TRMT44: variants seen among roughly 807,000 people sequenced by gnomAD.
TRMT44 encodes the protein probable tRNA (uracil-O(2)-)-methyltransferase.
Under a neutral mutation model 77.3 loss-of-function variants are expected in TRMT44, and 78 were observed. The ratio of observed to expected loss-of-function variants is 1.01; its 90% CI spans 0.84 to 1.22. The LOEUF is 1.22. Among genes scored for constraint, TRMT44 ranks in the 50% most tolerant of loss-of-function variants. The probability of loss-of-function intolerance (pLI) is 0.00; values close to 1 mark genes in which losing one functional copy is unlikely to be tolerated. For synonymous variants in TRMT44, 391 were observed against 383.3 expected (o/e 1.02, Z -0.23); for missense variants, 1,090 against 964.4 (o/e 1.13, Z -1.73).
Position 8,452,759 on chromosome 4 carries a change from G to T in TRMT44, c.1024-123G>T. 2 of 554,168 alleles carry T rather than the reference G, an allele frequency of 3.6e-6. No individual in the cohort carries two copies. Among genetic ancestry groups the T allele is most frequent in the East Asian group, 3.3e-5 (1 of 29,932 alleles). 34.3% of individuals were successfully genotyped at this position (554,168 alleles called of 1,614,324 possible). The stretch of plus-strand genomic sequence containing the variant: ...CAAAAAAAGAAAAAAAAAAAAGAAT[G>T]TTTAGTGTAGATGATTTCAAGTTTC... On this transcript the variant is annotated intron_variant, in intron 4 of 10. Transcript: ENST00000389737. This position sits in a 1 kb window ranked among gnomAD's most constrained non-coding sequence, Gnocchi z 5.7.
At chr4:8,495,736 G>A (rs1370728110), downstream of TRMT44, among the ~76,000 whole-genome samples, 2 of 152,178 alleles carry the variant, frequency 1.3e-5, no homozygotes, top group Admixed American at 6.5e-5. Context: ...CAGGAGAATC[G>A]GGTCTGGAGG....
chr4:8,515,344 T>C, the TRMT44 span, among the ~76,000 whole-genome samples: 2 of 152,236 alleles, frequency 1.3e-5, no homozygotes, highest in African/African-American at 2.4e-5. Context: ...GGATTCGGGC[T>C]GACCACTGGG....
chr4:8,454,203 C>T (rs1006315249), intron 5 of TRMT44, among the ~76,000 whole-genome samples: 1 of 152,144 alleles, frequency 6.6e-6, no homozygotes, highest in East Asian at 1.9e-4. Flanking sequence ...GGGCACTGGC[C>T]CTGGAAATGT....
the TRMT44 span, among the ~76,000 whole-genome samples, chr4:8,515,876 C>T: frequency 6.6e-6 from 1 of 152,212 alleles, no homozygotes; most frequent in Admixed American, 6.5e-5. Flanking sequence ...ATCTGTACTT[C>T]TTCATGTCTG....
At chr4:8,447,877 TA>T (rs1725164900) in intron 2 of TRMT44, among the ~76,000 whole-genome samples, 1 of 152,174 alleles carries the variant, frequency 6.6e-6, no homozygotes, top group Non-Finnish European at 1.5e-5. Flanking sequence ...GTGTGCCCAT[TA>T]GCCAGAAAGT....
intron 8 of TRMT44, among the ~76,000 whole-genome samples, chr4:8,467,313 G>A (rs1448032751): frequency 1.3e-5 from 2 of 152,206 alleles, no homozygotes; most frequent in South Asian, 2.1e-4. Flanking sequence ...AAACTAGGAC[G>A]GTGCGGCTGC....
chr4:8,494,855 A>G (rs1451437262), downstream of TRMT44, among the ~76,000 whole-genome samples: 2 of 152,028 alleles, frequency 1.3e-5, no homozygotes, highest in African/African-American at 2.4e-5. Context: ...AATGGGAGGC[A>G]GGTTGCCTGA....
chr4:8,502,169 A>G, the TRMT44 span, among the ~76,000 whole-genome samples: 2 of 152,198 alleles, frequency 1.3e-5, no homozygotes, highest in Admixed American at 1.3e-4. Context: ...CTGAAGGTTA[A>G]TGGGTGTGTT....
At chr4:8,466,984 C>A (rs1726604284) in intron 8 of TRMT44, among the ~76,000 whole-genome samples, 1 of 152,184 alleles carries the variant, frequency 6.6e-6, no homozygotes, top group African/African-American at 2.4e-5. Flanking sequence ...CCGCGCCTGG[C>A]CTTGTAGTTG....
chr4:8,467,765 A>G, intron 8 of TRMT44, 149 bp from the exon 9 acceptor site: 3 of 876,194 alleles, frequency 3.4e-6, no homozygotes, highest in Non-Finnish European at 5.2e-6. Flanking sequence ...GAGCCACCGT[A>G]CCTGGCTGGT....
chr4:8,479,041 C>G (rs1051076622), downstream of TRMT44: 1 of 152,244 alleles, frequency 6.6e-6, no homozygotes, highest in Admixed American at 6.5e-5. Context: ...GGGCAGGCTT[C>G]CTGGAGGAGG....
At chr4:8,462,370 C>G (rs939658974) in intron 6 of TRMT44, among the ~76,000 whole-genome samples, 5 of 151,436 alleles carry the variant, frequency 3.3e-5, no homozygotes, top group African/African-American at 1.2e-4. Context: ...GAGATCGCAC[C>G]ACTGCACGCC....
chr4:8,477,960 C>T (rs3796763), downstream of TRMT44: 12,960 of 152,838 alleles, frequency 0.085, 605 homozygotes, highest in Middle Eastern at 0.13. Flanking sequence ...CCCAGGATGC[C>T]GCCCAAGCCT....
intron 6 of TRMT44, among the ~76,000 whole-genome samples, chr4:8,456,596 G>C (rs1725825424): frequency 1.3e-5 from 2 of 151,704 alleles, no homozygotes; most frequent in African/African-American, 2.4e-5. Context: ...TGTCACTGCA[G>C]GTACACCAGC....
chr4:8,505,063 G>C, the TRMT44 span, among the ~76,000 whole-genome samples: 1 of 152,132 alleles, frequency 6.6e-6, no homozygotes, highest in African/African-American at 2.4e-5. Flanking sequence ...CAGCTGATCT[G>C]TCCTTTCTCC....
At chr4:8,480,749 T>A (rs368486290), downstream of TRMT44, among the ~76,000 whole-genome samples, 1 of 152,192 alleles carries the variant, frequency 6.6e-6, no homozygotes, top group Non-Finnish European at 1.5e-5. Context: ...CAAATTCCTA[T>A]CTAAGGGGTC....
At chr4:8,483,750 G>T (rs573337574) in intron 2 of TRMT44, among the ~76,000 whole-genome samples, 2 of 152,334 alleles carry the variant, frequency 1.3e-5, no homozygotes, top group Non-Finnish European at 2.9e-5. Context: ...CTATTGGACT[G>T]TATAGAGGTG....
chr4:8,487,792 A>T (rs1727864561), intron 2 of TRMT44, among the ~76,000 whole-genome samples: 1 of 152,142 alleles, frequency 6.6e-6, no homozygotes, highest in African/African-American at 2.4e-5. Flanking sequence ...CCTCCCCCAG[A>T]AAAGCAGGAC....
Position 8,465,498 on chromosome 4 carries a change from A to G in TRMT44, c.1431A>G (p.Glu477=), listed in dbSNP as rs373629939. 7.1e-5 allele frequency: 114 copies of G among 1,614,194 alleles called. 2 individuals are homozygous for G. In the East Asian group the frequency reaches 2.5e-3, roughly 35 times the overall value. Residue 477 remains glutamate, a synonymous_variant, in exon 8 of 11, where the codon GAA becomes GAG. Coordinates refer to ENST00000389737, the MANE Select transcript of TRMT44 (RefSeq NM_152544.3). The part of the protein sequence containing the change: ...QYREYLDFIK[E]VGFTCGFHVD... ...GGGAATACCTTGACTTCATTAAAGA[A>G]GTGGGCTTCACCTGTGGGTTTCACG...
Sources: allele counts gnomAD v4.1 joint callset (sites outside exome capture counted in the v4.1 genomes callset), GRCh38; gene constraint gnomAD v4.1.1; non-coding constraint Gnocchi (gnomAD v3.1); transcripts MANE v1.5; gene names NCBI Gene and HGNC (gene_info 2026-07-23, HGNC 2026-07-21).